The following PTPRM variants were observed in gnomAD, a reference collection of about 807,000 sequenced individuals.
The protein encoded by PTPRM is receptor-type tyrosine-protein phosphatase mu.
Under a neutral mutation model 186.7 loss-of-function variants are expected in PTPRM, and 47 were observed. That is an observed-to-expected ratio of 0.25 (90% CI 0.20 to 0.32). The LOEUF (loss-of-function observed/expected upper bound fraction) is 0.32. Ranked by LOEUF, PTPRM falls within the 10% of genes least tolerant of loss-of-function variation. The pLI, the probability that PTPRM is intolerant of heterozygous loss-of-function variation, is 1.00. For missense variants in PTPRM, 1,494 were observed against 1,865.0 expected, an observed-to-expected ratio of 0.80 and a Z score of 3.66; for synonymous variants, 668 against 674.9, an observed-to-expected ratio of 0.99 and a Z score of 0.16.
rs147528269 is a variant in PTPRM at position 7,581,432 on chromosome 18, C to T, written c.73+13541C>T. Among the ~76,000 whole-genome samples the T allele has an allele frequency of 2.2e-3, 338 of 152,282 alleles. 1 individual carries two copies. The highest frequency in any genetic ancestry group is 4.0e-3 in the Admixed American group (61 of 15,296). Reference sequence around the variant, plus strand: ...TAGTACCTGGACGAAAAGCAGCAAACTGCCAGAGCATTCATCTATGCAGTC... The same window carrying T: ...TAGTACCTGGACGAAAAGCAGCAAATTGCCAGAGCATTCATCTATGCAGTC... On this transcript the variant is annotated intron_variant, in intron 1 of 32. Transcript: ENST00000580170.
chr18:7,769,129 A>G (rs1245995905), intron 1 of PTPRM, among the ~76,000 whole-genome samples: 2 of 151,976 alleles, frequency 1.3e-5, no homozygotes, highest in African/African-American at 4.8e-5. Context: ...ACTTCCAACA[A>G]TTGCTTCTTC....
intron 10 of PTPRM, 51 bp downstream of exon 10, chr18:8,085,923 C>G: frequency 1.3e-6 from 2 of 1,544,504 alleles, no homozygotes; most frequent in Non-Finnish European, 1.8e-6. Flanking sequence ...CATTTTTGTC[C>G]GTTTTCATTC....
At chr18:8,135,757 A>G (rs2092623515) in intron 13 of PTPRM, among the ~76,000 whole-genome samples, 1 of 152,186 alleles carries the variant, frequency 6.6e-6, no homozygotes, top group Admixed American at 6.5e-5. Context: ...CTAAAAGGCC[A>G]TCTTTTGTGT....
intron 14 of PTPRM, among the ~76,000 whole-genome samples, chr18:8,215,411 T>A (rs1159833290): frequency 1.1e-4 from 17 of 152,076 alleles, no homozygotes; most frequent in African/African-American, 3.9e-4. Context: ...TATGCCTATT[T>A]TCCCATGTGT....
intron 5 of PTPRM, among the ~76,000 whole-genome samples, chr18:7,929,896 C>T (rs1180634658): frequency 1.3e-5 from 2 of 152,076 alleles, no homozygotes; most frequent in Non-Finnish European, 2.9e-5. Flanking sequence ...CACCTGTCTG[C>T]GTGTAAACTC....
intron 14 of PTPRM, among the ~76,000 whole-genome samples, chr18:8,227,409 TTA>T (rs2094227295): frequency 1.3e-5 from 2 of 152,234 alleles, no homozygotes; most frequent in Non-Finnish European, 2.9e-5. Context: ...ATCTATGTTT[TTA>T]ACTTGGAATA....
chr18:7,708,848 A>G (rs557996882), intron 1 of PTPRM, among the ~76,000 whole-genome samples: 51 of 152,172 alleles, frequency 3.4e-4, no homozygotes, highest in Non-Finnish European at 4.9e-4. Context: ...TTTACATAGA[A>G]TAATTAGGAG....
At chr18:7,753,540 A>G (rs2041326353) in intron 1 of PTPRM, among the ~76,000 whole-genome samples, 1 of 152,152 alleles carries the variant, frequency 6.6e-6, no homozygotes, top group South Asian at 2.1e-4. Context: ...CCTATATGGT[A>G]GGGTTGTTGA....
intron 19 of PTPRM, among the ~76,000 whole-genome samples, chr18:8,276,736 C>T (rs765808429): frequency 4.6e-5 from 7 of 152,022 alleles, no homozygotes; most frequent in Non-Finnish European, 8.8e-5. Context: ...CGTTCTACAA[C>T]AAAAAAATAC....
chr18:7,839,235 T>C (rs1438891103), intron 2 of PTPRM, among the ~76,000 whole-genome samples: 2 of 152,164 alleles, frequency 1.3e-5, no homozygotes, highest in Non-Finnish European at 2.9e-5. Flanking sequence ...ATTTTTTCCC[T>C]CTGCTTTTCT....
chr18:8,060,307 T>G (rs2088380998), intron 7 of PTPRM, among the ~76,000 whole-genome samples: 1 of 111,770 alleles, frequency 8.9e-6, no homozygotes, highest in African/African-American at 3.1e-5. Flanking sequence ...TGATATCCCC[T>G]TTATCATTTT....
chr18:8,379,074 G>A (rs79496837), intron 27 of PTPRM, 93 bp from the exon 28 acceptor site: 2 of 1,068,392 alleles, frequency 1.9e-6, no homozygotes, highest in Non-Finnish European at 2.6e-6. Flanking sequence ...CTTGCAGTCA[G>A]CCACAGGAAG....
chr18:7,918,659 T>C (rs1337683112), intron 4 of PTPRM, among the ~76,000 whole-genome samples: 1 of 152,202 alleles, frequency 6.6e-6, no homozygotes, highest in Non-Finnish European at 1.5e-5. Context: ...TTTGTATTTT[T>C]GCTTGAGTTA....
chr18:7,661,878 C>G (rs1021108353), intron 1 of PTPRM, among the ~76,000 whole-genome samples: 2 of 151,958 alleles, frequency 1.3e-5, no homozygotes, highest in African/African-American at 4.8e-5. Context: ...CCATTCTGAT[C>G]TTATTTTTAA....
intron 7 of PTPRM, among the ~76,000 whole-genome samples, chr18:8,047,518 G>A (rs764915352): frequency 6.6e-6 from 1 of 152,122 alleles, no homozygotes; most frequent in Non-Finnish European, 1.5e-5. Context: ...TTTTATATCA[G>A]TCACACAATG....
intron 2 of PTPRM, among the ~76,000 whole-genome samples, chr18:7,856,188 A>C (rs1406480795): frequency 1.3e-5 from 2 of 152,038 alleles, no homozygotes; most frequent in Non-Finnish European, 2.9e-5. Flanking sequence ...GAGGCTTCTG[A>C]AGCCTGTTTT....
At chr18:7,624,908 A>G (rs2038023681) in intron 1 of PTPRM, among the ~76,000 whole-genome samples, 1 of 152,186 alleles carries the variant, frequency 6.6e-6, no homozygotes, top group Non-Finnish European at 1.5e-5. Context: ...GTGTAGGTGT[A>G]GTGAGCCTGG....
chr18:8,314,932 A>G (rs142364955), intron 21 of PTPRM, 75 bp downstream of exon 21: 3 of 894,534 alleles, frequency 3.4e-6, no homozygotes, highest in Admixed American at 2.2e-5. Context: ...ATTTTGATAC[A>G]TGTATACAAT....
chr18:7,838,368 C>T (rs1485692224), intron 2 of PTPRM, among the ~76,000 whole-genome samples: 2 of 152,186 alleles, frequency 1.3e-5, no homozygotes, highest in Non-Finnish European at 2.9e-5. Flanking sequence ...ATTATGGGAA[C>T]TACGATTCAA....
Sources: allele counts gnomAD v4.1 joint callset (sites outside exome capture counted in the v4.1 genomes callset), GRCh38; gene constraint gnomAD v4.1.1; transcripts MANE v1.5; gene names NCBI Gene and HGNC (gene_info 2026-07-23, HGNC 2026-07-21).